SCN1A: variants seen among roughly 807,000 people sequenced by gnomAD.
SCN1A encodes sodium voltage-gated channel alpha subunit 1.
SCN1A carries 13 observed loss-of-function variants against 193.7 expected under a neutral mutation model. That is an observed-to-expected ratio of 0.07 (90% confidence interval 0.04 to 0.11). The LOEUF (loss-of-function observed/expected upper bound fraction) is 0.11, where lower values mean the gene tolerates loss of function less well. SCN1A is among the 10% of genes least tolerant of loss of function. The probability of loss-of-function intolerance (pLI) is 1.00; values close to 1 mark genes in which losing one functional copy is unlikely to be tolerated. For missense variants in SCN1A, 1,432 were observed against 2,451.1 expected, an observed-to-expected ratio of 0.58 and a Z score of 8.78; for synonymous variants, 781 against 843.6, an observed-to-expected ratio of 0.93 and a Z score of 1.29.
chr2:166,118,135 G>GA (rs894821995), intron 2 of SCN1A, among the ~76,000 whole-genome samples: 39 of 137,980 alleles, frequency 2.8e-4, no homozygotes, highest in East Asian at 1.9e-3. Context: ...GCCTAGGAAT[G>GA]AAAAAAAAAA....
intron 2 of SCN1A, among the ~76,000 whole-genome samples, chr2:166,107,846 A>G (rs1229901637): frequency 6.6e-6 from 1 of 152,174 alleles, no homozygotes; most frequent in Admixed American, 6.5e-5. Flanking sequence ...AACTAAAACT[A>G]TAATTCTTTA....
At chr2:166,126,862 A>G (rs1387237507) in intron 2 of SCN1A, 62 bp downstream of exon 2, 2 of 152,280 alleles carry the variant, frequency 1.3e-5, no homozygotes, top group East Asian at 1.9e-4. Context: ...GTGAGTAATC[A>G]AAGAGAACAA....
Position 166,110,023 on chromosome 2 carries a change from T to C in SCN1A, c.-142+16901A>G, listed in dbSNP as rs140395713. Among the ~76,000 whole-genome samples the C allele has an allele frequency of 6.6e-5, 10 of 152,142 alleles. No homozygotes were observed. In the South Asian group the frequency reaches 1.2e-3, roughly 19 times the overall value. On this transcript the variant is annotated intron_variant, in intron 2 of 28. Transcript: ENST00000674923. ...TTGAAAAATAGCTAAAAGAGTATAA[T>C]TGGAATGTTTGTAACACAAAGTAAT...
At position 166,056,376 on chromosome 2, in the gene SCN1A, GTA is replaced by G. The variant is rs750647641; in HGVS notation, c.473+33_473+34del. ...AAGACACAGTTTCAAAATCCCAAAT[GTA>G]TATATGTTATTAAAAATATAAGTTG... On this transcript the variant is annotated intron_variant, in intron 6 of 28. Coordinates refer to ENST00000674923, the MANE Select transcript of SCN1A (RefSeq NM_001165963.4). The G allele has an allele frequency of 1.6e-5, 20 of 1,255,014 alleles. No individual in the cohort carries two copies. In the South Asian group the frequency reaches 1.7e-4, roughly 11 times the overall value. 77.7% of individuals were successfully genotyped at this position (1,255,014 alleles called of 1,614,324 possible).
At chr2:165,997,871 A>G (rs1304789235) in intron 26 of SCN1A, among the ~76,000 whole-genome samples, 167 bp downstream of exon 26, 1 of 151,312 alleles carries the variant, frequency 6.6e-6, no homozygotes, top group East Asian at 1.9e-4. Flanking sequence ...TTAGCTTTCT[A>G]TAGCCGGAAA....
intron 4 of SCN1A, among the ~76,000 whole-genome samples, chr2:166,068,498 T>C (rs1273260265): frequency 1.3e-5 from 2 of 152,210 alleles, no homozygotes; most frequent in African/African-American, 2.4e-5. Flanking sequence ...AAAGAACAGC[T>C]ACACACTGGG....
intron 22 of SCN1A, 67 bp from the exon 23 acceptor site, chr2:166,009,908 T>C: frequency 3.5e-6 from 5 of 1,417,190 alleles, no homozygotes; most frequent in Non-Finnish European, 5.0e-6. Context: ...TGCTATATAA[T>C]ACAACAAGTA....
chr2:166,024,331 A>T (rs780562309), intron 19 of SCN1A, among the ~76,000 whole-genome samples: 149 of 152,212 alleles, frequency 9.8e-4, no homozygotes, highest in Non-Finnish European at 1.9e-3. Context: ...CAAAGAAACC[A>T]TCCACATGTA....
chr2:166,002,781 G>A (rs1462939178), intron 23 of SCN1A, 28 bp from the exon 24 acceptor site: 1 of 1,588,002 alleles, frequency 6.3e-7, no homozygotes, highest in East Asian at 2.3e-5. Flanking sequence ...AAAAAGAAAA[G>A]TCAGAATTCT....
At chr2:166,148,701 C>T (rs889245033) in intron 1 of SCN1A, among the ~76,000 whole-genome samples, 1 of 152,118 alleles carries the variant, frequency 6.6e-6, no homozygotes, top group Non-Finnish European at 1.5e-5. Flanking sequence ...ACAAGGGCAA[C>T]GTAACAGCCA....
chr2:165,991,532 C>G lies in SCN1A; in HGVS notation c.5743G>C (p.Glu1915Gln). 6.2e-7 allele frequency: 1 copy of G among 1,613,952 alleles called. No homozygotes were observed. The highest frequency in any genetic ancestry group is 8.5e-7 in the Non-Finnish European group (1 of 1,179,928). ...PITTTLKRKQ[E>Q]EVSAVIIQRA... Reference sequence around the variant, plus strand: ...TGAATAATGACAGCAGATACTTCCTCTTGTTTTCGTTTTAAAGTAGTAGTG... The same window carrying G: ...TGAATAATGACAGCAGATACTTCCTGTTGTTTTCGTTTTAAAGTAGTAGTG... The change falls in exon 29 of 29, where the codon GAG (glutamate) becomes CAG (glutamine). Residue 1915 changes from glutamate (E) to glutamine (Q), a missense_variant. Coordinates refer to ENST00000674923, the MANE Select transcript of SCN1A (RefSeq NM_001165963.4).
intron 2 of SCN1A, among the ~76,000 whole-genome samples, chr2:166,126,168 TCTGTGGCC>T (rs1691223829): frequency 6.6e-6 from 1 of 152,196 alleles, no homozygotes; most frequent in Non-Finnish European, 1.5e-5. Context: ...CCCGTAAATC[TCTGTGGCC>T]ATTCATTCCT....
chr2:166,063,873 C>A (rs1683572001), intron 4 of SCN1A, among the ~76,000 whole-genome samples: 1 of 152,116 alleles, frequency 6.6e-6, no homozygotes, highest in Non-Finnish European at 1.5e-5. Flanking sequence ...GTTACACTTA[C>A]ATATTTCAAA....
chr2:166,059,114 A>T (rs543712713), intron 4 of SCN1A, among the ~76,000 whole-genome samples: 11 of 152,272 alleles, frequency 7.2e-5, no homozygotes, highest in Non-Finnish European at 1.5e-5. Flanking sequence ...ACGCAAAATC[A>T]TTCAACAGAA....
chr2:166,133,702 T>C (rs897334441), intron 1 of SCN1A: 3 of 152,174 alleles, frequency 2.0e-5, no homozygotes, highest in Middle Eastern at 3.2e-3. Flanking sequence ...ACATTATTAA[T>C]ATTTAGTGAA....
At chr2:166,008,452 C>T (rs904956082) in intron 23 of SCN1A, among the ~76,000 whole-genome samples, 1 of 150,936 alleles carries the variant, frequency 6.6e-6, no homozygotes, top group Non-Finnish European at 1.5e-5. Context: ...CTGAAACTGC[C>T]AGTCTGAAAC....
intron 2 of SCN1A, among the ~76,000 whole-genome samples, chr2:166,116,473 T>C (rs1295851608): frequency 2.0e-5 from 3 of 152,210 alleles, no homozygotes; most frequent in Non-Finnish European, 4.4e-5. Flanking sequence ...AAATATCTTC[T>C]CTATCCTGCA....
In SCN1A at chr2:166,058,683, A is replaced by G. The variant is rs1424456870; in HGVS notation, c.270T>C (p.Phe90=). The change falls in exon 5 of 29, where the codon TTT becomes TTC. Residue 90 remains phenylalanine, a synonymous_variant. Transcript: ENST00000674923. The part of the protein sequence containing the change: ...LDPYYINKKT[F]IVLNKGKAIF... ...TGGCCTTCCCTTTATTCAATACTAT[A>G]AAAGTCTGTAAGACAGGAACACAAC... is the stretch of plus-strand genomic sequence containing the variant. The G allele has an allele frequency of 2.7e-5, 42 of 1,558,256 alleles. No individual in the cohort carries two copies. In the Admixed American group the frequency reaches 6.8e-4, roughly 25 times the overall value.
At chr2:166,104,289 G>A (rs907461967) in intron 2 of SCN1A, 1 of 152,174 alleles carries the variant, frequency 6.6e-6, no homozygotes, top group Non-Finnish European at 1.5e-5. Context: ...TAACAGGGAA[G>A]AGAGAGTAAG....
Sources: gnomAD v4.1 joint callset for allele counts (sites outside exome capture counted in the v4.1 genomes callset) on GRCh38, gnomAD v4.1.1 for gene constraint, MANE v1.5 for transcripts, NCBI Gene and HGNC (gene_info 2026-07-23, HGNC 2026-07-21) for gene names.